Variants in TASP1 observed in about 807,000 individuals in gnomAD.
TASP1 encodes the protein taspase 1, also known as threonine aspartase 1.
In TASP1, 16 loss-of-function variants were observed where a neutral mutation model predicts 56.6. That is an observed-to-expected ratio of 0.28 (90% CI 0.19 to 0.43). The LOEUF (loss-of-function observed/expected upper bound fraction) is 0.43. Ranked by LOEUF, TASP1 falls within the 20% of genes least tolerant of loss-of-function variation. The pLI is 1.00. For synonymous variants in TASP1, 179 were observed against 184.2 expected (o/e 0.97, Z 0.23); for missense variants, 393 against 511.6 (o/e 0.77, Z 2.24).
chr20:13,401,348 A>G (rs6109854), intron 13 of TASP1, among the ~76,000 whole-genome samples: 103,928 of 151,924 alleles, frequency 0.68, 35,903 homozygotes, highest in African/African-American at 0.75. Flanking sequence ...ACAAAATGTT[A>G]TATCTACGCA....
chr20:13,173,790 G>A, the TASP1 span, among the ~76,000 whole-genome samples: 2 of 152,184 alleles, frequency 1.3e-5, no homozygotes, highest in African/African-American at 4.8e-5. Context: ...GTGTAGGTTT[G>A]TTTGGAATTG....
the TASP1 span, among the ~76,000 whole-genome samples, chr20:13,357,311 A>G: frequency 1.3e-5 from 2 of 152,166 alleles, no homozygotes; most frequent in African/African-American, 4.8e-5. Flanking sequence ...CCAAAGGAAC[A>G]ACCCCCCACC....
At chr20:13,383,023 G>A in the TASP1 span, among the ~76,000 whole-genome samples, 1 of 152,116 alleles carries the variant, frequency 6.6e-6, no homozygotes, top group Non-Finnish European at 1.5e-5. Flanking sequence ...TTCCAAGCAG[G>A]GGGTACAAGC....
At chr20:13,402,593 T>G (rs1041226147) in intron 13 of TASP1, among the ~76,000 whole-genome samples, 3 of 152,254 alleles carry the variant, frequency 2.0e-5, no homozygotes, top group Admixed American at 2.0e-4. Flanking sequence ...CCCGAGGCAG[T>G]TGGCTTCCCG....
At chr20:13,564,188 G>A (rs1016311601) in intron 7 of TASP1, among the ~76,000 whole-genome samples, 4 of 151,858 alleles carry the variant, frequency 2.6e-5, no homozygotes, top group Admixed American at 6.6e-5. Flanking sequence ...CTCCAACCCC[G>A]TCCCCCAACA....
At chr20:13,504,833 C>T (rs1473571989) in intron 10 of TASP1, among the ~76,000 whole-genome samples, 1 of 151,842 alleles carries the variant, frequency 6.6e-6, no homozygotes, top group Non-Finnish European at 1.5e-5. Context: ...AACTACAAAG[C>T]AAAAGAGCAT....
At chr20:13,109,275 C>A in the TASP1 span, among the ~76,000 whole-genome samples, 2 of 152,188 alleles carry the variant, frequency 1.3e-5, no homozygotes, top group Admixed American at 6.5e-5. Context: ...TCTACATCAC[C>A]ATTTCATTTG....
At chr20:13,568,496 T>C (rs916029699) in intron 7 of TASP1, among the ~76,000 whole-genome samples, 1 of 152,178 alleles carries the variant, frequency 6.6e-6, no homozygotes, top group Non-Finnish European at 1.5e-5. Context: ...CACAAACATA[T>C]ACATATTTAT....
the TASP1 span, chr20:13,110,083 T>G: frequency 6.4e-7 from 1 of 1,563,836 alleles, no homozygotes; most frequent in Non-Finnish European, 8.7e-7. Context: ...CTTTCATGAC[T>G]CAATTTTTTT....
At chr20:13,255,324 G>A in the TASP1 span, among the ~76,000 whole-genome samples, 11 of 152,198 alleles carry the variant, frequency 7.2e-5, no homozygotes, top group Non-Finnish European at 4.4e-5. Flanking sequence ...ACTTGAAGAT[G>A]TTAACATGGC....
Position 13,505,111 on chromosome 20 carries a change from C to T in TASP1, c.875-21774G>A, listed in dbSNP as rs182919194. On this transcript the variant is annotated intron_variant, in intron 10 of 13. Transcript: ENST00000337743. ...GATATAAATGAAAACCAAAAGACAG[C>T]GGGGGAGCTATATTTATTATAAGAC... Among the ~76,000 whole-genome samples the T allele has an allele frequency of 2.4e-4, 37 of 151,894 alleles. No individual in the cohort carries two copies. The South Asian group carries it at 4.6e-3, about 19-fold the overall frequency.
chr20:13,528,660 G>C (rs3761889), intron 9 of TASP1, 149 bp from the exon 10 acceptor site: 312,212 of 518,622 alleles, frequency 0.6, 96,409 homozygotes, highest in Non-Finnish European at 0.64. Context: ...TAAGACATAC[G>C]CACACGATGC....
intron 13 of TASP1, among the ~76,000 whole-genome samples, chr20:13,417,221 C>A (rs2042286387): frequency 6.6e-6 from 1 of 152,224 alleles, no homozygotes; most frequent in African/African-American, 2.4e-5. Context: ...GGAAAGTGGG[C>A]AGGCTCCTCC....
chr20:13,288,993 G>A, the TASP1 span, among the ~76,000 whole-genome samples: 18 of 152,146 alleles, frequency 1.2e-4, no homozygotes, highest in African/African-American at 4.1e-4. Flanking sequence ...TCACCATGTT[G>A]GCCAGGTTGG....
the TASP1 span, among the ~76,000 whole-genome samples, chr20:13,301,030 C>T: frequency 5.3e-5 from 8 of 152,154 alleles, no homozygotes; most frequent in African/African-American, 1.9e-4. Flanking sequence ...GCTCAGAAAA[C>T]ATAAAGACAT....
the TASP1 span, among the ~76,000 whole-genome samples, chr20:13,224,929 T>C: frequency 7.1e-6 from 1 of 140,558 alleles, no homozygotes; most frequent in Admixed American, 7.5e-5. Flanking sequence ...CACTGCAACC[T>C]CCACTTCCCG....
the TASP1 span, chr20:13,298,979 C>T: frequency 1.9e-6 from 3 of 1,613,422 alleles, no homozygotes; most frequent in East Asian, 2.2e-5. Flanking sequence ...GCTGCAAAAG[C>T]GAGTTCTTAA....
At chr20:13,163,334 C>T in the TASP1 span, among the ~76,000 whole-genome samples, 1 of 147,132 alleles carries the variant, frequency 6.8e-6, no homozygotes. Flanking sequence ...TGCCACTGCA[C>T]TCCAGCCTGG....
At chr20:13,571,331 TA>T (rs2046705489) in intron 6 of TASP1, among the ~76,000 whole-genome samples, 2 of 152,188 alleles carry the variant, frequency 1.3e-5, no homozygotes, top group Non-Finnish European at 2.9e-5. Context: ...AAGCTTTTAC[TA>T]AAAACTATAC....
Sources: allele counts gnomAD v4.1 joint callset (sites outside exome capture counted in the v4.1 genomes callset), GRCh38; gene constraint gnomAD v4.1.1; transcripts MANE v1.5; gene names NCBI Gene and HGNC (gene_info 2026-07-23, HGNC 2026-07-21).